COL11A1: variants seen among roughly 807,000 people sequenced by gnomAD.
COL11A1 encodes collagen type XI alpha 1 chain, also known as collagen alpha-1(XI) chain.
A neutral mutation model predicts 265.2 loss-of-function variants in COL11A1; 74 were observed. That is an observed-to-expected ratio of 0.28 (90% confidence interval 0.23 to 0.34). COL11A1 has a LOEUF of 0.34. COL11A1 is among the 10% of genes least tolerant of loss of function. The pLI, the probability that COL11A1 is intolerant of heterozygous loss-of-function variation, is 1.00. For synonymous variants in COL11A1, 816 were observed against 727.6 expected (o/e 1.12, Z -1.96); for missense variants, 2,165 against 2,263.6 (o/e 0.96, Z 0.88).
intron 57 of COL11A1, among the ~76,000 whole-genome samples, chr1:102,897,459 A>T (rs1652581765): frequency 6.7e-6 from 1 of 149,556 alleles, no homozygotes; most frequent in African/African-American, 2.5e-5. Context: ...TATATATATA[A>T]AGCAACTAAG....
At chr1:102,895,496 T>C (rs1652305172) in intron 57 of COL11A1, among the ~76,000 whole-genome samples, 1 of 152,144 alleles carries the variant, frequency 6.6e-6, no homozygotes, top group Non-Finnish European at 1.5e-5. Context: ...AATAGGTACT[T>C]GTGGAACTCC....
At position 102,995,909 on chromosome 1, in the gene COL11A1, C is replaced by T. The variant is rs1442768097; in HGVS notation, c.2296-1G>A. Reference sequence around the variant, plus strand: ...TGAGACCTCTGACACCATCTGCTCCCTGTGGAATAAATTAGAAGTATTAAG... The same window carrying T: ...TGAGACCTCTGACACCATCTGCTCCTTGTGGAATAAATTAGAAGTATTAAG... On this transcript the variant is annotated splice_acceptor_variant, in intron 27 of 66. Coordinates refer to ENST00000370096, the MANE Select transcript of COL11A1 (RefSeq NM_001854.4). LOFTEE classifies it high-confidence loss of function. 1.2e-6 allele frequency: 2 copies of T among 1,612,012 alleles called. No homozygotes were observed. The highest frequency in any genetic ancestry group is 1.7e-5 in the Admixed American group (1 of 59,920).
At chr1:102,930,102 G>T (rs1189263678) in intron 46 of COL11A1, among the ~76,000 whole-genome samples, 1 of 152,152 alleles carries the variant, frequency 6.6e-6, no homozygotes, top group African/African-American at 2.4e-5. Flanking sequence ...CTGCCTAACT[G>T]CCCTGGCCAG....
intron 1 of COL11A1, among the ~76,000 whole-genome samples, chr1:103,099,965 C>T (rs192017929): frequency 3.0e-4 from 46 of 151,892 alleles, no homozygotes; most frequent in Non-Finnish European, 2.8e-4. Context: ...AATCTTGTTC[C>T]AGTCTTCTGG....
intron 46 of COL11A1, among the ~76,000 whole-genome samples, chr1:102,932,260 C>G (rs956323429): frequency 2.6e-5 from 4 of 151,998 alleles, no homozygotes; most frequent in African/African-American, 9.7e-5. Flanking sequence ...TTAGCACTGC[C>G]TTCAGGAGCT....
intron 6 of COL11A1, 78 bp downstream of exon 6, chr1:103,026,138 T>A (rs561914222): frequency 8.1e-7 from 1 of 1,227,492 alleles, no homozygotes; most frequent in South Asian, 1.2e-5. Context: ...ATGGTAAGTT[T>A]GAGGAACAGT....
chr1:102,932,497 C>T (rs1449934492), intron 46 of COL11A1, among the ~76,000 whole-genome samples: 1 of 151,964 alleles, frequency 6.6e-6, no homozygotes, highest in Non-Finnish European at 1.5e-5. Context: ...GAGGGTAACC[C>T]GACCTTTCTC....
chr1:103,105,670 C>A (rs551160243), intron 1 of COL11A1, among the ~76,000 whole-genome samples: 10 of 152,068 alleles, frequency 6.6e-5, no homozygotes, highest in Non-Finnish European at 1.3e-4. Flanking sequence ...GATATAATAT[C>A]TTTATTTAGA....
intron 5 of COL11A1, among the ~76,000 whole-genome samples, chr1:103,026,734 T>G (rs1260192162): frequency 6.6e-6 from 1 of 152,066 alleles, no homozygotes; most frequent in Admixed American, 6.5e-5. Flanking sequence ...TCAATGGGAA[T>G]TTTAAATTAA....
chr1:102,952,739 A>G (rs1660008926), intron 41 of COL11A1, among the ~76,000 whole-genome samples: 1 of 152,216 alleles, frequency 6.6e-6, no homozygotes, highest in Non-Finnish European at 1.5e-5. Context: ...TTATATATCT[A>G]TAAATGAAAA....
intron 1 of COL11A1, among the ~76,000 whole-genome samples, chr1:103,086,804 C>G (rs1281318586): frequency 1.8e-5 from 2 of 113,086 alleles, no homozygotes; most frequent in African/African-American, 5.2e-5. Context: ...AGGTATCAAC[C>G]AAGCCTTTTT....
intron 63 of COL11A1, among the ~76,000 whole-genome samples, chr1:102,885,130 C>T (rs550200720): frequency 6.6e-5 from 10 of 152,288 alleles, no homozygotes; most frequent in Admixed American, 2.6e-4. Flanking sequence ...CATTTCTACA[C>T]AGCTGTCCCT....
intron 62 of COL11A1, 92 bp downstream of exon 62, chr1:102,888,485 G>T: frequency 1.7e-6 from 2 of 1,209,508 alleles, no homozygotes; most frequent in South Asian, 1.2e-5. Context: ...TTGGCAGAAT[G>T]TGCTTTTTGT....
chr1:103,059,838 G>C (rs888664119), intron 4 of COL11A1, among the ~76,000 whole-genome samples: 1 of 152,056 alleles, frequency 6.6e-6, no homozygotes, highest in African/African-American at 2.4e-5. Context: ...GAGAAAAAAA[G>C]CTGGGAAATA....
At chr1:103,039,567 T>C (rs2102041457) in intron 4 of COL11A1, among the ~76,000 whole-genome samples, 1 of 152,130 alleles carries the variant, frequency 6.6e-6, no homozygotes, top group Non-Finnish European at 1.5e-5. Context: ...AAGACAACCA[T>C]TTCCAAGCCA....
chr1:102,958,054 T>C (rs1401087622), intron 41 of COL11A1, among the ~76,000 whole-genome samples: 1 of 152,148 alleles, frequency 6.6e-6, no homozygotes, highest in Non-Finnish European at 1.5e-5. Context: ...TCACTCTGTT[T>C]CTGTGAATTC....
chr1:103,035,623 T>G (rs1429951437), intron 4 of COL11A1, among the ~76,000 whole-genome samples: 1 of 152,048 alleles, frequency 6.6e-6, no homozygotes, highest in Non-Finnish European at 1.5e-5. Flanking sequence ...TGCTAGTATG[T>G]CCTAGTAACA....
intron 19 of COL11A1, 37 bp from the exon 20 acceptor site, chr1:103,004,525 T>G: frequency 6.3e-7 from 1 of 1,598,534 alleles, no homozygotes; most frequent in Non-Finnish European, 8.6e-7. Context: ...ATAGAACATT[T>G]GGACAATGTA....
chr1:102,962,588 G>A, intron 39 of COL11A1, 65 bp downstream of exon 39: 5 of 1,319,938 alleles, frequency 3.8e-6, no homozygotes, highest in Non-Finnish European at 5.5e-6. Flanking sequence ...GTAGACAAGG[G>A]GTGAGTATAG....
Sources: allele counts gnomAD v4.1 joint callset (sites outside exome capture counted in the v4.1 genomes callset), GRCh38; gene constraint gnomAD v4.1.1; transcripts MANE v1.5; gene names NCBI Gene and HGNC (gene_info 2026-07-23, HGNC 2026-07-21).